AKAP6: variants seen among roughly 807,000 people sequenced by gnomAD.
AKAP6 encodes A-kinase anchoring protein 6.
A neutral mutation model predicts 188.5 loss-of-function variants in AKAP6; 58 were observed. That is an observed-to-expected ratio of 0.31 (90% CI 0.25 to 0.38). AKAP6 has a LOEUF of 0.38. Among genes scored for constraint, AKAP6 ranks in the 10% least tolerant of loss-of-function variants. The pLI is 1.00. For synonymous variants in AKAP6, 989 were observed against 998.6 expected (o/e 0.99, Z 0.18); for missense variants, 2,710 against 2,740.0 (o/e 0.99, Z 0.24).
chr14:32,510,971 G>C (rs1375591075), intron 2 of AKAP6, among the ~76,000 whole-genome samples: 1 of 152,116 alleles, frequency 6.6e-6, no homozygotes, highest in East Asian at 1.9e-4. Context: ...ACGTTCCTCT[G>C]ACCAAAATCA....
At position 32,786,296 on chromosome 14, in the gene AKAP6, ATCTTTT is replaced by A. The variant is rs1279635986; in HGVS notation, c.3588+12405_3588+12410del. Reference sequence around the variant, plus strand: ...AGCCCTCTGAAAGACCTAAACCTTTATCTTTTTTTTTTTTTTTTTTTTTTTTTTTGA... The same window carrying A: ...AGCCCTCTGAAAGACCTAAACCTTTATTTTTTTTTTTTTTTTTTTTTTTGA... On this transcript the variant is annotated intron_variant, in intron 12 of 13. Transcript: ENST00000280979. Among the ~76,000 whole-genome samples the A allele has an allele frequency of 3.3e-4, 31 of 93,716 alleles. 2 individuals are homozygous for A. Among genetic ancestry groups the A allele is most frequent in the East Asian group, 2.4e-3 (8 of 3,350 alleles). The allele number at this position is 93,716 out of a possible 152,430, so 61.5% of individuals were successfully genotyped here.
At chr14:32,721,879 T>C (rs923382869) in intron 9 of AKAP6, among the ~76,000 whole-genome samples, 2 of 152,124 alleles carry the variant, frequency 1.3e-5, no homozygotes, top group African/African-American at 4.8e-5. Context: ...AGGCTCTATC[T>C]CCCAGGCCAA....
intron 11 of AKAP6, among the ~76,000 whole-genome samples, chr14:32,750,609 T>C (rs187280162): frequency 6.6e-6 from 1 of 151,974 alleles, no homozygotes; most frequent in African/African-American, 2.4e-5. Context: ...TGGGTGCCTG[T>C]AGTCTTAGAT....
At chr14:32,777,588 A>G (rs534621590) in intron 12 of AKAP6, among the ~76,000 whole-genome samples, 141 of 152,328 alleles carry the variant, frequency 9.3e-4, no homozygotes, top group African/African-American at 3.3e-3. Flanking sequence ...ACATCACAGA[A>G]GAAATAATTT....
At chr14:32,798,032 C>G (rs942524534) in intron 12 of AKAP6, among the ~76,000 whole-genome samples, 26 of 151,056 alleles carry the variant, frequency 1.7e-4, no homozygotes, top group Admixed American at 1.3e-3. Context: ...CTAGAAGGAA[C>G]TTAAATCAAC....
At chr14:32,597,636 G>C (rs1210966055) in intron 5 of AKAP6, among the ~76,000 whole-genome samples, 2 of 152,124 alleles carry the variant, frequency 1.3e-5, no homozygotes, top group Non-Finnish European at 2.9e-5. Context: ...GATACCTGTG[G>C]CTAAAAGAGG....
chr14:32,389,307 A>G (rs1888632750), intron 1 of AKAP6, among the ~76,000 whole-genome samples: 4 of 152,086 alleles, frequency 2.6e-5, no homozygotes, highest in Non-Finnish European at 4.4e-5. Context: ...GCAAGTCTGT[A>G]TCTTTTAAGT....
intron 12 of AKAP6, among the ~76,000 whole-genome samples, chr14:32,794,018 G>T (rs1228303118): frequency 1.3e-5 from 2 of 152,158 alleles, no homozygotes; most frequent in Non-Finnish European, 2.9e-5. Flanking sequence ...GATATCTACA[G>T]AACTTTCCAC....
chr14:32,516,613 G>A (rs1881533849), intron 2 of AKAP6, among the ~76,000 whole-genome samples: 1 of 152,182 alleles, frequency 6.6e-6, no homozygotes, highest in African/African-American at 2.4e-5. Flanking sequence ...AAAACGAAAA[G>A]TAAGTATGAG....
intron 2 of AKAP6, among the ~76,000 whole-genome samples, chr14:32,485,518 G>T (rs942768012): frequency 3.9e-5 from 6 of 152,194 alleles, no homozygotes; most frequent in African/African-American, 1.2e-4. Context: ...ACTGGTGTGA[G>T]ATGGTATCTC....
chr14:32,424,254 T>C (rs1378151641), intron 1 of AKAP6, among the ~76,000 whole-genome samples: 1 of 152,168 alleles, frequency 6.6e-6, no homozygotes. Context: ...CCAAACTCCA[T>C]AACATGGCAT....
At chr14:32,424,437 C>T (rs555045416) in intron 1 of AKAP6, among the ~76,000 whole-genome samples, 2 of 151,934 alleles carry the variant, frequency 1.3e-5, no homozygotes, top group East Asian at 3.9e-4. Context: ...CCTTCACCTC[C>T]CTTCCATCTC....
chr14:32,553,097 T>C (rs1332205432), intron 4 of AKAP6, among the ~76,000 whole-genome samples: 1 of 152,102 alleles, frequency 6.6e-6, no homozygotes, highest in Non-Finnish European at 1.5e-5. Context: ...CACATTTGTA[T>C]CTTTCTTATA....
rs546819675 is a variant in AKAP6 at position 32,811,255 on chromosome 14, A to AAAAAAAAAAAAAAAAAAT, written c.3589-10146_3589-10145insAAAAAAAAAAAAAAAATA. Among the ~76,000 whole-genome samples, 38 of 118,340 alleles carry AAAAAAAAAAAAAAAAAAT rather than the reference A, an allele frequency of 3.2e-4. 4 individuals carry two copies. Among genetic ancestry groups the AAAAAAAAAAAAAAAAAAT allele is most frequent in the Admixed American group, 6.7e-4 (8 of 11,948 alleles). The allele number at this position is 118,340 out of a possible 152,430, so 77.6% of individuals were successfully genotyped here. ...CTCCGTCTCAGGAAAAAAAAAAAAA[A>AAAAAAAAAAAAAAAAAAT]AGTTGAAAAACAGACTAAGATAATG... On this transcript the variant is annotated intron_variant, in intron 12 of 13. Transcript: ENST00000280979.
At chr14:32,634,337 T>C (rs189469933) in intron 7 of AKAP6, among the ~76,000 whole-genome samples, 1 of 152,262 alleles carries the variant, frequency 6.6e-6, no homozygotes, top group Non-Finnish European at 1.5e-5. Context: ...CAAGAAGTGA[T>C]AACTGGTTGT....
intron 9 of AKAP6, among the ~76,000 whole-genome samples, chr14:32,719,464 T>C (rs1480755132): frequency 6.6e-6 from 1 of 152,218 alleles, no homozygotes; most frequent in African/African-American, 2.4e-5. Flanking sequence ...AACACCTTTT[T>C]GATAAACTAC....
At chr14:32,679,921 C>T (rs558066054) in intron 8 of AKAP6, among the ~76,000 whole-genome samples, 1 of 152,226 alleles carries the variant, frequency 6.6e-6, no homozygotes, top group African/African-American at 2.4e-5. Flanking sequence ...TGCTTTGAGG[C>T]CTTAATGTGC....
intron 7 of AKAP6, among the ~76,000 whole-genome samples, chr14:32,673,972 G>A (rs1889326684): frequency 6.6e-6 from 1 of 152,110 alleles, no homozygotes; most frequent in African/African-American, 2.4e-5. Context: ...AAATTAATCT[G>A]GATATGAAAT....
At chr14:32,452,955 G>A (rs1370875363) in intron 2 of AKAP6, among the ~76,000 whole-genome samples, 3 of 152,186 alleles carry the variant, frequency 2.0e-5, no homozygotes, top group Non-Finnish European at 2.9e-5. Context: ...TTCATACTAT[G>A]AAGCCATCCG....
Sources: allele counts gnomAD v4.1 joint callset (sites outside exome capture counted in the v4.1 genomes callset), GRCh38; gene constraint gnomAD v4.1.1; transcripts MANE v1.5; gene names NCBI Gene and HGNC (gene_info 2026-07-23, HGNC 2026-07-21).